Variants in BDP1 observed in about 807,000 individuals in gnomAD.
BDP1 encodes the protein transcription factor TFIIIB component B'' homolog.
In BDP1, 169 loss-of-function variants were observed where a neutral mutation model predicts 266.6. The observed-to-expected ratio is 0.63, with a 90% CI of 0.56 to 0.72. The LOEUF (loss-of-function observed/expected upper bound fraction) is 0.72, where lower values mean the gene tolerates loss of function less well. Ranked by LOEUF, BDP1 falls within the 30% of genes least tolerant of loss-of-function variation. The pLI, the probability that BDP1 is intolerant of heterozygous loss-of-function variation, is 0.00. For synonymous variants in BDP1, 1,090 were observed against 1,022.4 expected (o/e 1.07, Z -1.26); for missense variants, 3,015 against 3,053.8 (o/e 0.99, Z 0.30).
At position 71,489,393 on chromosome 5, in the gene BDP1, C is replaced by G; in HGVS notation, c.1214-11C>G. On this transcript the variant is annotated splice_polypyrimidine_tract_variant and intron_variant, in intron 9 of 38. Transcript: ENST00000358731. Reference sequence around the variant, plus strand: ...TGTTTAAATATTTATAGTAATTTCTCTTGTTTTCAGTGAAAAAAGTTGCCT... The same window carrying G: ...TGTTTAAATATTTATAGTAATTTCTGTTGTTTTCAGTGAAAAAAGTTGCCT... 1 of 1,571,202 alleles carries G rather than the reference C, an allele frequency of 6.4e-7. No individual in the cohort carries two copies. The highest frequency in any genetic ancestry group is 1.4e-5 in the African/African-American group (1 of 72,636).
At chr5:71,502,506 T>C (rs908499575) in intron 14 of BDP1, 93 bp from the exon 15 acceptor site, 2 of 1,142,180 alleles carry the variant, frequency 1.8e-6, no homozygotes, top group Non-Finnish European at 2.4e-6. Flanking sequence ...TTGTGAATTA[T>C]TTCATATTCC....
At chr5:71,493,859 C>T (rs958333393) in intron 11 of BDP1, among the ~76,000 whole-genome samples, 4 of 152,186 alleles carry the variant, frequency 2.6e-5, no homozygotes, top group Non-Finnish European at 4.4e-5. Flanking sequence ...ATAGAACTAA[C>T]TTCATTAGAT....
At chr5:71,467,175 G>T (rs952447747) in intron 5 of BDP1, among the ~76,000 whole-genome samples, 179 bp from the exon 6 acceptor site, 1 of 152,104 alleles carries the variant, frequency 6.6e-6, no homozygotes, top group African/African-American at 2.4e-5. Flanking sequence ...TACCCTCTTG[G>T]AATCACATTG....
chr5:71,457,774 A>G lies in BDP1; in HGVS notation c.213-805A>G, dbSNP rs371845702. The stretch of plus-strand genomic sequence containing the variant: ...GAAGTCTTCCTGGAAAGGTTATTCT[A>G]TAAGTTAAGGCATTTTCTAATTTTT... On this transcript the variant is annotated intron_variant, in intron 1 of 38. Transcript: ENST00000358731. Among the ~76,000 whole-genome samples the G allele has an allele frequency of 4.9e-4, 74 of 152,328 alleles. No homozygotes were observed. In the East Asian group the frequency reaches 9.5e-3, roughly 19 times the overall value.
chr5:71,474,666 G>T (rs1012970483), intron 7 of BDP1, among the ~76,000 whole-genome samples: 5 of 151,766 alleles, frequency 3.3e-5, no homozygotes, highest in African/African-American at 1.2e-4. Context: ...TGGCCAACAT[G>T]ATGAAACCCC....
rs1466018556 is a variant in BDP1 at position 71,566,324 on chromosome 5, G to A, written c.*1439G>A. On this transcript the variant is annotated 3_prime_UTR_variant, in exon 39 of 39. Transcript: ENST00000358731. ...AAGGAACACTTGGATCTTTAAGCAC[G>A]GAACATAATCATGATGTTAAAAACA... The A allele has an allele frequency of 4.6e-5, 7 of 152,306 alleles. No individual in the cohort carries two copies. Among genetic ancestry groups the A allele is most frequent in the Admixed American group, 4.6e-4 (7 of 15,258 alleles). The allele number at this position is 152,306 out of a possible 1,614,324, so 9.4% of individuals were successfully genotyped here. A position where few individuals can be genotyped will look rare whatever the true frequency, so the allele number is the denominator to read the frequency against.
At chr5:71,456,117 C>A (rs1293487683) in intron 1 of BDP1, 28 bp downstream of exon 1, 1 of 1,591,042 alleles carries the variant, frequency 6.3e-7, no homozygotes, top group Non-Finnish European at 8.6e-7. Flanking sequence ...GAAGAATTTT[C>A]ATTTGTCCCG....
At chr5:71,542,367 A>G (rs1767021222) in intron 30 of BDP1, 102 bp downstream of exon 30, 2 of 1,062,574 alleles carry the variant, frequency 1.9e-6, no homozygotes. Context: ...TTAACTTACA[A>G]TAAAATAGTT....
chr5:71,502,973 C>G (rs1222063339), intron 15 of BDP1, among the ~76,000 whole-genome samples, 182 bp downstream of exon 15: 1 of 147,830 alleles, frequency 6.8e-6, no homozygotes, highest in Non-Finnish European at 1.5e-5. Context: ...ACTGCAACCT[C>G]TGCCACCCAG....
At position 71,559,993 on chromosome 5, in the gene BDP1, A is replaced by G. The variant is rs1469383200; in HGVS notation, c.7252A>G (p.Lys2418Glu). 1 of 1,613,548 alleles carries G rather than the reference A, an allele frequency of 6.2e-7. No homozygotes were observed. Among genetic ancestry groups the G allele is most frequent in the Admixed American group, 1.7e-5 (1 of 59,970 alleles). Residue 2418 changes from lysine to glutamate, a missense_variant, in exon 37 of 39, where the codon AAG becomes GAG. Lys to Glu is a moderately conservative substitution (Grantham distance 56). This residue lies in a region of BDP1 where 629 missense variants were observed against 632.5 expected (regional missense o/e 0.99). Coordinates refer to ENST00000358731, the MANE Select transcript of BDP1 (RefSeq NM_018429.3). ...TCTTTTTTTTGAAGGGGAGTCTCAC[A>G]AGGGACAAGATATTTTTCTTACCTC... Reference protein sequence around the residue: ...NVFEETGESHKGQDIFLTSGS... With the variant: ...NVFEETGESHEGQDIFLTSGS...
At chr5:71,549,186 C>T (rs569323441) in intron 33 of BDP1, among the ~76,000 whole-genome samples, 2 of 152,196 alleles carry the variant, frequency 1.3e-5, no homozygotes, top group South Asian at 2.1e-4. Flanking sequence ...TGCAGTGAGC[C>T]GAGATTGTGC....
At chr5:71,532,806 A>G (rs974980822) in intron 26 of BDP1, among the ~76,000 whole-genome samples, 2 of 152,234 alleles carry the variant, frequency 1.3e-5, no homozygotes, top group South Asian at 2.1e-4. Context: ...TTTACACACC[A>G]TATGATTTTC....
intron 11 of BDP1, among the ~76,000 whole-genome samples, chr5:71,491,691 C>T (rs1278289716): frequency 2.0e-5 from 3 of 152,070 alleles, no homozygotes; most frequent in African/African-American, 7.2e-5. Flanking sequence ...CAGCCCTTGG[C>T]AATCATGATT....
At chr5:71,495,439 TA>T in intron 12 of BDP1, 31 bp downstream of exon 12, 1 of 1,474,734 alleles carries the variant, frequency 6.8e-7, no homozygotes, top group South Asian at 1.4e-5. Flanking sequence ...GATTTATTTA[TA>T]AAATTTTGAT....
chr5:71,464,220 G>T, intron 4 of BDP1, 103 bp downstream of exon 4: 1 of 733,568 alleles, frequency 1.4e-6, no homozygotes, highest in South Asian at 2.1e-5. Context: ...TTGGGGTTGG[G>T]CACAGTGGTT....
At chr5:71,562,968 C>A in intron 38 of BDP1, 1 of 1,126,486 alleles carries the variant, frequency 8.9e-7, no homozygotes, top group Non-Finnish European at 1.1e-6. Flanking sequence ...GACTTAAGAT[C>A]TTGACAAAGA....
At chr5:71,465,195 A>G (rs752441264) in intron 4 of BDP1, among the ~76,000 whole-genome samples, 2 of 152,174 alleles carry the variant, frequency 1.3e-5, no homozygotes, top group East Asian at 1.9e-4. Context: ...TCAAATGAGC[A>G]TGAAAATACT....
intron 7 of BDP1, among the ~76,000 whole-genome samples, chr5:71,474,346 A>G (rs1396661034): frequency 6.8e-6 from 1 of 147,460 alleles, no homozygotes; most frequent in East Asian, 2.0e-4. Context: ...TTTTTTTGAG[A>G]CAGTCTTGCT....
intron 7 of BDP1, among the ~76,000 whole-genome samples, chr5:71,480,810 C>T (rs1210793500): frequency 6.6e-6 from 1 of 152,178 alleles, no homozygotes; most frequent in Non-Finnish European, 1.5e-5. Context: ...GTGATCCACT[C>T]ACCTCAGCCT....
Sources: allele counts gnomAD v4.1 joint callset (sites outside exome capture counted in the v4.1 genomes callset), GRCh38; gene constraint gnomAD v4.1.1; regional missense constraint gnomAD v4.1.1; transcripts MANE v1.5; gene names NCBI Gene and HGNC (gene_info 2026-07-23, HGNC 2026-07-21).